NBAS: variants seen among roughly 807,000 people sequenced by gnomAD.
NBAS encodes NBAS subunit of NRZ tethering complex.
NBAS carries 219 observed loss-of-function variants against 302.5 expected under a neutral mutation model. The observed-to-expected ratio is 0.72, with a 90% CI of 0.65 to 0.81. The LOEUF is 0.81. NBAS is among the 30% of genes least tolerant of loss of function. The pLI is 0.00. For synonymous variants in NBAS, 1,118 were observed against 1,021.6 expected (o/e 1.09, Z -1.80); for missense variants, 2,932 against 2,841.6 (o/e 1.03, Z -0.72).
chr2:14,786,496 T>C, the NBAS span, among the ~76,000 whole-genome samples: 1 of 152,168 alleles, frequency 6.6e-6, no homozygotes, highest in Non-Finnish European at 1.5e-5. Context: ...GCTTTGAATG[T>C]GTCCCAGAGA....
intron 6 of NBAS, among the ~76,000 whole-genome samples, chr2:15,546,847 C>T (rs183041393): frequency 1.1e-4 from 16 of 152,308 alleles, no homozygotes; most frequent in African/African-American, 2.9e-4. Context: ...ACTGATGAGG[C>T]TGCTGGAAGC....
At chr2:14,784,205 C>T in the NBAS span, among the ~76,000 whole-genome samples, 10 of 152,176 alleles carry the variant, frequency 6.6e-5, no homozygotes, top group South Asian at 1.2e-3. Context: ...TCATTGTAGA[C>T]TCTGGATATT....
At chr2:15,085,213 G>A in the NBAS span, among the ~76,000 whole-genome samples, 2 of 152,184 alleles carry the variant, frequency 1.3e-5, no homozygotes, top group African/African-American at 2.4e-5. Flanking sequence ...CAGAGATGGG[G>A]CTGCACTTTG....
intron 1 of NBAS, 112 bp downstream of exon 1, chr2:15,561,076 C>A (rs1664894677): frequency 1.1e-6 from 1 of 884,950 alleles, no homozygotes. Flanking sequence ...AGCCAACCGG[C>A]CCTAGTCCCC....
chr2:15,418,531 C>T (rs1358779936), intron 23 of NBAS, among the ~76,000 whole-genome samples: 2 of 152,202 alleles, frequency 1.3e-5, no homozygotes, highest in East Asian at 1.9e-4. Context: ...TCAAAGATCT[C>T]TCAGCCTTGT....
intron 11 of NBAS, among the ~76,000 whole-genome samples, chr2:15,502,651 T>C (rs145522263): frequency 8.3e-4 from 126 of 152,344 alleles, no homozygotes; most frequent in African/African-American, 2.9e-3. Context: ...GTATAGGGCA[T>C]TGACCATGAA....
the NBAS span, among the ~76,000 whole-genome samples, chr2:14,832,525 C>T: frequency 2.0e-5 from 3 of 152,054 alleles, no homozygotes; most frequent in Non-Finnish European, 4.4e-5. Context: ...CACTAAGAAC[C>T]ACTCCTCCTA....
At chr2:15,067,784 T>C in the NBAS span, among the ~76,000 whole-genome samples, 5 of 152,188 alleles carry the variant, frequency 3.3e-5, no homozygotes, top group South Asian at 4.1e-4. Flanking sequence ...TACTGTGTTA[T>C]GCAATCACAA....
intron 3 of NBAS, among the ~76,000 whole-genome samples, chr2:15,555,922 C>A (rs1276013891): frequency 6.6e-6 from 1 of 152,166 alleles, no homozygotes; most frequent in Non-Finnish European, 1.5e-5. Context: ...TCAGGACTAA[C>A]AAGCTGTCGC....
intron 4 of NBAS, among the ~76,000 whole-genome samples, 199 bp from the exon 5 acceptor site, chr2:15,553,672 A>C (rs1664487531): frequency 6.6e-6 from 1 of 152,122 alleles, no homozygotes; most frequent in African/African-American, 2.4e-5. Flanking sequence ...AGCATGAATT[A>C]ACATGTTTAA....
the NBAS span, among the ~76,000 whole-genome samples, chr2:14,818,429 G>C: frequency 6.6e-6 from 1 of 152,078 alleles, no homozygotes; most frequent in African/African-American, 2.4e-5. Flanking sequence ...TATTCATCAT[G>C]AATTTGCAGA....
the NBAS span, among the ~76,000 whole-genome samples, chr2:15,068,249 G>A: frequency 9.9e-5 from 15 of 152,246 alleles, no homozygotes; most frequent in African/African-American, 3.4e-4. Context: ...TAGTCCTACC[G>A]TAGTCTGTTG....
At chr2:14,872,615 C>A in the NBAS span, among the ~76,000 whole-genome samples, 3 of 151,982 alleles carry the variant, frequency 2.0e-5, no homozygotes, top group East Asian at 5.8e-4. Flanking sequence ...AAGCTGCAGA[C>A]CTTTAGACCT....
chr2:15,069,607 A>G, the NBAS span, among the ~76,000 whole-genome samples: 1,558 of 152,284 alleles, frequency 0.01, 21 homozygotes, highest in Admixed American at 0.032. Context: ...GGCAAATGAC[A>G]CTATCAAAAC....
At chr2:14,782,479 G>C in the NBAS span, among the ~76,000 whole-genome samples, 3 of 152,192 alleles carry the variant, frequency 2.0e-5, no homozygotes, top group Non-Finnish European at 2.9e-5. Context: ...AGGTTGCAGA[G>C]AAAAGTGAAC....
chr2:15,167,719 T>C (rs1040310154), intron 51 of NBAS, among the ~76,000 whole-genome samples: 4 of 152,220 alleles, frequency 2.6e-5, no homozygotes, highest in African/African-American at 9.6e-5. Flanking sequence ...TAGAGCCAGA[T>C]TGTAAATTTG....
chr2:15,304,501 A>G (rs1670943517), intron 40 of NBAS, among the ~76,000 whole-genome samples: 1 of 152,248 alleles, frequency 6.6e-6, no homozygotes, highest in African/African-American at 2.4e-5. Context: ...CTTTGGAACT[A>G]GGCCATGGGC....
chr2:14,879,349 G>C, the NBAS span, among the ~76,000 whole-genome samples: 1 of 152,116 alleles, frequency 6.6e-6, no homozygotes, highest in African/African-American at 2.4e-5. Flanking sequence ...CACTGTTTTT[G>C]CTGCCATGTG....
chr2:15,059,749 A>G, the NBAS span, among the ~76,000 whole-genome samples: 1,963 of 152,284 alleles, frequency 0.013, 40 homozygotes, highest in African/African-American at 0.045. Context: ...AGATACTGGG[A>G]CAAGAGAAGA....
Sources: allele counts gnomAD v4.1 joint callset (sites outside exome capture counted in the v4.1 genomes callset), GRCh38; gene constraint gnomAD v4.1.1; transcripts MANE v1.5; gene names NCBI Gene and HGNC (gene_info 2026-07-23, HGNC 2026-07-21).